The following TBC1D16 variants were observed in gnomAD, a reference collection of about 807,000 sequenced individuals.
The protein encoded by TBC1D16 is TBC1 domain family member 16.
In TBC1D16, 58 loss-of-function variants were observed where a neutral mutation model predicts 74.7. The observed-to-expected ratio is 0.78, with a 90% CI of 0.63 to 0.97. TBC1D16 has a LOEUF of 0.97. Ranked by LOEUF, TBC1D16 falls within the 50% of genes least tolerant of loss-of-function variation. TBC1D16 has a pLI of 0.00. For synonymous variants in TBC1D16, 493 were observed against 474.7 expected (o/e 1.04, Z -0.50); for missense variants, 1,014 against 1,079.5 (o/e 0.94, Z 0.85).
intron 1 of TBC1D16, among the ~76,000 whole-genome samples, chr17:80,014,117 G>C (rs2036004071): frequency 6.6e-6 from 1 of 152,216 alleles, no homozygotes; most frequent in South Asian, 2.1e-4. Flanking sequence ...AGTACTCTGG[G>C]AGGCTGAGGC....
At chr17:79,977,380 A>G (rs1300635898) in intron 3 of TBC1D16, among the ~76,000 whole-genome samples, 3 of 152,240 alleles carry the variant, frequency 2.0e-5, no homozygotes, top group Non-Finnish European at 4.4e-5. Flanking sequence ...CTCTGACTCC[A>G]ACGAGGCAGA....
In TBC1D16 at chr17:79,956,073, C is replaced by G. The variant is rs116197351; in HGVS notation, c.780-3255G>C. Among the ~76,000 whole-genome samples, 2 of 152,112 alleles carry G rather than the reference C, an allele frequency of 1.3e-5. No individual in the cohort carries two copies. The highest frequency in any genetic ancestry group is 1.3e-4 in the Admixed American group (2 of 15,282). ...CAGACGAGAGCTCATGAGAGAGACA[C>G]GCAACTGGCAGTCAGCACCAGAGCC... On this transcript the variant is annotated intron_variant, in intron 3 of 11. Coordinates refer to ENST00000310924, the MANE Select transcript of TBC1D16 (RefSeq NM_019020.4). The surrounding 1 kb of genome is among the most constrained non-coding windows in gnomAD (Gnocchi z 4.0).
chr17:80,031,986 G>T (rs2036790777), intron 1 of TBC1D16, among the ~76,000 whole-genome samples: 2 of 152,330 alleles, frequency 1.3e-5, no homozygotes, highest in Middle Eastern at 3.4e-3. Context: ...ATCTTGCTTT[G>T]GAAAGCATTT....
At position 79,993,980 on chromosome 17, in the gene TBC1D16, C is replaced by T. The variant is rs1326695603; in HGVS notation, c.779+16180G>A. On this transcript the variant is annotated intron_variant, in intron 3 of 11. Transcript: ENST00000310924. This position sits in a 1 kb window ranked among gnomAD's most constrained non-coding sequence, Gnocchi z 5.1. ...TGGAAAAGGCTGACAAGTTTCATTT[C>T]CCTGACCTTGGACAGCCCTCCTGAT... 1.3e-5 allele frequency among the ~76,000 whole-genome samples: 2 copies of T among 152,162 alleles called. No homozygotes were observed. Among genetic ancestry groups the T allele is most frequent in the East Asian group, 3.9e-4 (2 of 5,190 alleles).
chr17:80,009,633 G>A lies in TBC1D16; in HGVS notation c.779+527C>T, dbSNP rs1244720010. ...ATCCTCCACAGCTATGAGAAAGAGG[G>A]AGGCTGAAGCCTCCGGGGACCACAG... On this transcript the variant is annotated intron_variant, in intron 3 of 11. Coordinates refer to ENST00000310924, the MANE Select transcript of TBC1D16 (RefSeq NM_019020.4). The surrounding 1 kb of genome is among the most constrained non-coding windows in gnomAD (Gnocchi z 5.4). Among the ~76,000 whole-genome samples the A allele has an allele frequency of 6.6e-6, 1 of 152,244 alleles. No individual in the cohort carries two copies. Among genetic ancestry groups the A allele is most frequent in the African/African-American group, 2.4e-5 (1 of 41,468 alleles).
In TBC1D16 at chr17:79,975,409, C is replaced by A. The variant is rs2034291662; in HGVS notation, c.780-22591G>T. On this transcript the variant is annotated intron_variant, in intron 3 of 11. Coordinates refer to ENST00000310924, the MANE Select transcript of TBC1D16 (RefSeq NM_019020.4). The surrounding 1 kb of genome is among the most constrained non-coding windows in gnomAD (Gnocchi z 4.5). The stretch of plus-strand genomic sequence containing the variant: ...CTGTGAGGTTTCCTGGGAACCCTTG[C>A]CTCCTACATGGCCTACTTAAAAGGC... 6.6e-6 allele frequency among the ~76,000 whole-genome samples: 1 copy of A among 152,178 alleles called. No homozygotes were observed. Among genetic ancestry groups the A allele is most frequent in the South Asian group, 2.1e-4 (1 of 4,834 alleles).
Position 79,982,853 on chromosome 17 carries a change from T to C in TBC1D16, c.779+27307A>G, listed in dbSNP as rs112670660. ...CAGCCTGGGCGACAGAGCAAGACTC[T>C]GTCTCAAAACAAAACAAAAAAATTC... On this transcript the variant is annotated intron_variant, in intron 3 of 11. Coordinates refer to ENST00000310924, the MANE Select transcript of TBC1D16 (RefSeq NM_019020.4). Among the ~76,000 whole-genome samples the C allele has an allele frequency of 6.6e-3, 1,012 of 152,262 alleles. 20 individuals carry two copies. The highest frequency in any genetic ancestry group is 0.023 in the African/African-American group (971 of 41,568).
intron 3 of TBC1D16, among the ~76,000 whole-genome samples, chr17:79,964,591 G>A (rs945229162): frequency 1.3e-5 from 2 of 152,140 alleles, no homozygotes; most frequent in African/African-American, 4.8e-5. Flanking sequence ...GGCTCCATGA[G>A]TGTATATTAT....
intron 3 of TBC1D16, among the ~76,000 whole-genome samples, chr17:79,959,371 A>T (rs1231554561): frequency 1.3e-5 from 2 of 152,204 alleles, no homozygotes; most frequent in Non-Finnish European, 2.9e-5. Context: ...TTCCAACAGG[A>T]ATTTTTAGTG....
In TBC1D16 at chr17:79,993,214, T is replaced by G. The variant is rs2035141590; in HGVS notation, c.779+16946A>C. Among the ~76,000 whole-genome samples, 1 of 152,146 alleles carries G rather than the reference T, an allele frequency of 6.6e-6. No homozygotes were observed. The highest frequency in any genetic ancestry group is 2.1e-4 in the South Asian group (1 of 4,830). ...GGACTTGGCTCCAGGCTCCCACACTTAAAGATCATCTCTGTCACCACCTGG... is the reference window on the plus strand; with the variant it reads ...GGACTTGGCTCCAGGCTCCCACACTGAAAGATCATCTCTGTCACCACCTGG... On this transcript the variant is annotated intron_variant, in intron 3 of 11. Coordinates refer to ENST00000310924, the MANE Select transcript of TBC1D16 (RefSeq NM_019020.4). This position sits in a 1 kb window ranked among gnomAD's most constrained non-coding sequence, Gnocchi z 5.1.
intron 3 of TBC1D16, among the ~76,000 whole-genome samples, chr17:79,984,562 G>GAAAGAGAA (rs1393691363): frequency 1.4e-4 from 20 of 139,924 alleles, no homozygotes; most frequent in Admixed American, 3.7e-4. Context: ...AAGAAAGAAA[G>GAAAGAGAA]AGAGAGAGAG....
At chr17:79,951,235 A>G (rs905408898) in intron 5 of TBC1D16, among the ~76,000 whole-genome samples, 1 of 152,154 alleles carries the variant, frequency 6.6e-6, no homozygotes, top group Non-Finnish European at 1.5e-5. Flanking sequence ...TCAAAACATG[A>G]TTTTTCAAGT....
rs962232980 is a variant in TBC1D16, at chr17:80,035,845, C to G, written c.-113G>C. ...TCGCGCCGGCTCCGAGAGCCGCCAC[C>G]GTCGCCTCCGCCGCTGCCGCCGCCA... On this transcript the variant is annotated 5_prime_UTR_variant, in exon 1 of 12. Transcript: ENST00000310924. This position sits in a 1 kb window ranked among gnomAD's most constrained non-coding sequence, Gnocchi z 5.3. 2 of 146,564 alleles carry G rather than the reference C, an allele frequency of 1.4e-5. No homozygotes were observed. The highest frequency in any genetic ancestry group is 3.0e-5 in the Non-Finnish European group (2 of 65,850). The allele number at this position is 146,564 out of a possible 1,614,324, so 9.1% of individuals were successfully genotyped here.
chr17:79,991,474 T>C (rs1292708831), intron 3 of TBC1D16, among the ~76,000 whole-genome samples: 1 of 151,574 alleles, frequency 6.6e-6, no homozygotes, highest in Non-Finnish European at 1.5e-5. Flanking sequence ...CTGCTAAGAG[T>C]GGACAGGATG....
At chr17:80,015,354 A>C (rs1212516817) in intron 1 of TBC1D16, among the ~76,000 whole-genome samples, 1 of 152,188 alleles carries the variant, frequency 6.6e-6, no homozygotes, top group Non-Finnish European at 1.5e-5. Context: ...GAATTGCTTG[A>C]ACCCGGGAGG....
rs2031657096 is a variant in TBC1D16 at position 79,936,979 on chromosome 17, CA to C, written c.*3879del. On this transcript the variant is annotated 3_prime_UTR_variant, in exon 12 of 12. Coordinates refer to ENST00000310924, the MANE Select transcript of TBC1D16 (RefSeq NM_019020.4). ...GGGACCTCTCCTCCTTCCTCTGAGGCAAAGTGGCCTGCAGGGGCCCCTGCAG... is the reference window on the plus strand; with the variant it reads ...GGGACCTCTCCTCCTTCCTCTGAGGCAAGTGGCCTGCAGGGGCCCCTGCAG... The C allele has an allele frequency of 1.3e-5, 2 of 151,854 alleles. No individual in the cohort carries two copies. The highest frequency in any genetic ancestry group is 1.3e-4 in the Admixed American group (2 of 15,214). The allele number at this position is 151,854 out of a possible 1,614,324, so 9.4% of individuals were successfully genotyped here. A position where few individuals can be genotyped will look rare whatever the true frequency, so the allele number is the denominator to read the frequency against.
chr17:80,012,053 C>T (rs1329846057), intron 2 of TBC1D16, among the ~76,000 whole-genome samples: 2 of 152,022 alleles, frequency 1.3e-5, no homozygotes, highest in Admixed American at 6.6e-5. Context: ...CATTTCCTAA[C>T]CCAGCACCAC....
chr17:79,986,470 T>C lies in TBC1D16; in HGVS notation c.779+23690A>G, dbSNP rs535121443. Among the ~76,000 whole-genome samples, 1 of 152,210 alleles carries C rather than the reference T, an allele frequency of 6.6e-6. No individual in the cohort carries two copies. The highest frequency in any genetic ancestry group is 2.4e-5 in the African/African-American group (1 of 41,520). Reference sequence around the variant, plus strand: ...GGTGGGTAAGAGGCCCCGGGATTATTTTTGGAGGGCCCCTCCCTGCAGAGC... The same window carrying C: ...GGTGGGTAAGAGGCCCCGGGATTATCTTTGGAGGGCCCCTCCCTGCAGAGC... On this transcript the variant is annotated intron_variant, in intron 3 of 11. Transcript: ENST00000310924. This position sits in a 1 kb window ranked among gnomAD's most constrained non-coding sequence, Gnocchi z 6.0.
At chr17:80,005,952 A>G (rs2035657552) in intron 3 of TBC1D16, among the ~76,000 whole-genome samples, 1 of 152,134 alleles carries the variant, frequency 6.6e-6, no homozygotes, top group African/African-American at 2.4e-5. Context: ...CCAGACACGC[A>G]GCCTGCACAT....
Sources: gnomAD v4.1 joint callset for allele counts (sites outside exome capture counted in the v4.1 genomes callset) on GRCh38, gnomAD v4.1.1 for gene constraint, Gnocchi (gnomAD v3.1) non-coding constraint, MANE v1.5 for transcripts, NCBI Gene and HGNC (gene_info 2026-07-23, HGNC 2026-07-21) for gene names.